NHEJ1: variants seen among roughly 807,000 people sequenced by gnomAD.
NHEJ1 encodes non-homologous end-joining factor 1.
NHEJ1 carries 22 observed loss-of-function variants against 39.4 expected under a neutral mutation model. The ratio of observed to expected loss-of-function variants is 0.56; its 90% CI spans 0.40 to 0.80. The LOEUF is 0.80. NHEJ1 is among the 30% of genes least tolerant of loss of function. The probability of loss-of-function intolerance (pLI) is 0.00; values close to 1 mark genes in which losing one functional copy is unlikely to be tolerated. For synonymous variants in NHEJ1, 154 were observed against 135.6 expected (o/e 1.14, Z -0.94); for missense variants, 329 against 357.1 (o/e 0.92, Z 0.63).
chr2:219,110,563 G>A lies in NHEJ1; in HGVS notation c.589-32357C>T, dbSNP rs182524864. Among the ~76,000 whole-genome samples the A allele has an allele frequency of 2.1e-5, 3 of 143,010 alleles. No homozygotes were observed. The East Asian group carries it at 7.0e-4, about 33-fold the overall frequency. The allele number at this position is 143,010 out of a possible 152,430, so 93.8% of individuals were successfully genotyped here. ...GAAATGTGTGGTATATTGGGTTATG[G>A]TAAGTGCTATGGAGAAAAGTACAGC... On this transcript the variant is annotated intron_variant, in intron 5 of 7. Transcript: ENST00000356853.
At chr2:219,099,005 G>A (rs1949232875) in intron 5 of NHEJ1, among the ~76,000 whole-genome samples, 1 of 152,152 alleles carries the variant, frequency 6.6e-6, no homozygotes, top group South Asian at 2.1e-4. Context: ...TATCACAGGA[G>A]TCAGGACAAT....
At chr2:219,141,240 C>T (rs1376769378) in intron 5 of NHEJ1, among the ~76,000 whole-genome samples, 2 of 151,886 alleles carry the variant, frequency 1.3e-5, no homozygotes, top group South Asian at 2.1e-4. Flanking sequence ...ATTAGCTGGG[C>T]GTGGTGGCTC....
intron 5 of NHEJ1, among the ~76,000 whole-genome samples, chr2:219,088,808 T>G (rs1017190709): frequency 4.6e-5 from 7 of 152,180 alleles, no homozygotes; most frequent in Non-Finnish European, 8.8e-5. Context: ...ATACTTCAGC[T>G]TTTTTTTGTT....
chr2:219,139,276 C>T (rs530515145), intron 5 of NHEJ1, among the ~76,000 whole-genome samples: 23 of 152,094 alleles, frequency 1.5e-4, no homozygotes, highest in Admixed American at 6.5e-4. Flanking sequence ...TTAGTAGAGA[C>T]GAAGTTTCAC....
At chr2:219,105,499 C>T (rs1431494092) in intron 5 of NHEJ1, among the ~76,000 whole-genome samples, 3 of 152,150 alleles carry the variant, frequency 2.0e-5, no homozygotes, top group Admixed American at 6.5e-5. Flanking sequence ...TTGCTTTGGT[C>T]GCTGCTCTGC....
At chr2:219,157,103 C>T (rs1381142035) in intron 3 of NHEJ1, among the ~76,000 whole-genome samples, 2 of 152,184 alleles carry the variant, frequency 1.3e-5, no homozygotes, top group African/African-American at 4.8e-5. Context: ...CTCAACCATC[C>T]AGGGTCTACC....
intron 5 of NHEJ1, among the ~76,000 whole-genome samples, chr2:219,135,405 G>C (rs990123043): frequency 1.3e-5 from 2 of 151,394 alleles, no homozygotes; most frequent in African/African-American, 4.9e-5. Flanking sequence ...TCAGGAGTTT[G>C]AGACCAGCCT....
chr2:219,154,954 T>C (rs1368819110), intron 3 of NHEJ1, among the ~76,000 whole-genome samples: 2 of 146,936 alleles, frequency 1.4e-5, no homozygotes, highest in Non-Finnish European at 3.0e-5. Context: ...TATGTTAATA[T>C]ATTATATATT....
intron 3 of NHEJ1, among the ~76,000 whole-genome samples, chr2:219,155,797 C>T (rs1232461771): frequency 3.3e-5 from 5 of 151,198 alleles, no homozygotes; most frequent in East Asian, 1.9e-4. Context: ...TGGTGGTGTG[C>T]GCCTGTAGTC....
chr2:219,103,370 G>C (rs927128805), intron 5 of NHEJ1, among the ~76,000 whole-genome samples: 1 of 151,770 alleles, frequency 6.6e-6, no homozygotes, highest in Non-Finnish European at 1.5e-5. Flanking sequence ...CTGCCTCCCG[G>C]GTTCAAGCGA....
At chr2:219,155,815 C>T (rs1214377256) in intron 3 of NHEJ1, among the ~76,000 whole-genome samples, 4 of 151,272 alleles carry the variant, frequency 2.6e-5, no homozygotes, top group Non-Finnish European at 5.9e-5. Flanking sequence ...GTCCCAGCTA[C>T]GGGGGGCGCT....
chr2:219,116,576 C>T (rs575561908), intron 5 of NHEJ1, among the ~76,000 whole-genome samples: 4 of 152,086 alleles, frequency 2.6e-5, no homozygotes, highest in African/African-American at 9.7e-5. Flanking sequence ...CAGGCTGTCT[C>T]GAACTACTGG....
At position 219,074,982 on chromosome 2, in the gene NHEJ1, G is replaced by A. The variant is rs192614759; in HGVS notation, c.*1399C>T. 2.0e-3 allele frequency among the ~76,000 whole-genome samples: 300 copies of A among 152,278 alleles called. 1 individual carries two copies. The highest frequency in any genetic ancestry group is 6.6e-3 in the African/African-American group (274 of 41,552). Reference sequence around the variant, plus strand: ...AGTCCTCAAGAGCTCCTTCCTTGAAGAGCCCCTGGGGAGCAGACATCCTAT... The same window carrying A: ...AGTCCTCAAGAGCTCCTTCCTTGAAAAGCCCCTGGGGAGCAGACATCCTAT... On this transcript the variant is annotated 3_prime_UTR_variant, in exon 8 of 8. Coordinates refer to ENST00000356853, the MANE Select transcript of NHEJ1 (RefSeq NM_024782.3).
intron 3 of NHEJ1, among the ~76,000 whole-genome samples, chr2:219,156,903 C>T (rs945046104): frequency 1.3e-5 from 2 of 152,196 alleles, no homozygotes; most frequent in African/African-American, 4.8e-5. Flanking sequence ...CATTAGAATC[C>T]TTCAAGATCC....
intron 5 of NHEJ1, among the ~76,000 whole-genome samples, chr2:219,112,453 C>T (rs533050727): frequency 6.6e-6 from 1 of 152,238 alleles, no homozygotes; most frequent in South Asian, 2.1e-4. Context: ...GTGCCTTTTA[C>T]ACTCCAAACT....
rs1054617505 is a variant in NHEJ1 at position 219,076,051 on chromosome 2, G to A, written c.*330C>T. On this transcript the variant is annotated 3_prime_UTR_variant, in exon 8 of 8. Coordinates refer to ENST00000356853, the MANE Select transcript of NHEJ1 (RefSeq NM_024782.3). ...TATCTGGGGCTGGCTGGCTAGAGAC[G>A]CTAGGGAAAGGTAGACAAGGCTTCC... 3.9e-5 allele frequency: 19 copies of A among 490,030 alleles called. No homozygotes were observed. Among genetic ancestry groups the A allele is most frequent in the African/African-American group, 3.1e-4 (16 of 51,634 alleles). The allele number at this position is 490,030 out of a possible 1,614,324, so 30.4% of individuals were successfully genotyped here.
chr2:219,093,711 G>A (rs1168716542), intron 5 of NHEJ1, among the ~76,000 whole-genome samples: 1 of 152,192 alleles, frequency 6.6e-6, no homozygotes, highest in African/African-American at 2.4e-5. Context: ...GTTTAAAAAT[G>A]CAGTTGAATA....
At chr2:219,127,606 C>T (rs142902748) in intron 5 of NHEJ1, among the ~76,000 whole-genome samples, 1 of 152,314 alleles carries the variant, frequency 6.6e-6, no homozygotes, top group African/African-American at 2.4e-5. Flanking sequence ...CTCCTCAATC[C>T]AAGATCTCTC....
chr2:219,133,955 C>G (rs1199458830), intron 5 of NHEJ1, among the ~76,000 whole-genome samples: 1 of 152,232 alleles, frequency 6.6e-6, no homozygotes, highest in East Asian at 1.9e-4. Context: ...GCTGGTTTCT[C>G]CTTTGCCTTC....
Sources: gnomAD v4.1 joint callset for allele counts (sites outside exome capture counted in the v4.1 genomes callset) on GRCh38, gnomAD v4.1.1 for gene constraint, MANE v1.5 for transcripts, NCBI Gene and HGNC (gene_info 2026-07-23, HGNC 2026-07-21) for gene names.